IFT88: variants seen among roughly 807,000 people sequenced by gnomAD.
IFT88 encodes the protein intraflagellar transport protein 88 homolog.
IFT88 carries 74 observed loss-of-function variants against 119.5 expected under a neutral mutation model. The observed-to-expected ratio is 0.62, with a 90% confidence interval of 0.51 to 0.75. The LOEUF (loss-of-function observed/expected upper bound fraction) is 0.75, where lower values mean the gene tolerates loss of function less well. Among genes scored for constraint, IFT88 ranks in the 30% least tolerant of loss-of-function variants. The pLI, the probability that IFT88 is intolerant of heterozygous loss-of-function variation, is 0.00. For synonymous variants in IFT88, 279 were observed against 316.7 expected (o/e 0.88, Z 1.26); for missense variants, 961 against 977.7 (o/e 0.98, Z 0.23).
intron 24 of IFT88, among the ~76,000 whole-genome samples, chr13:20,690,449 G>A (rs1454776998): frequency 6.6e-6 from 1 of 152,080 alleles, no homozygotes; most frequent in East Asian, 1.9e-4. Flanking sequence ...CCATAAAATT[G>A]AAACCTATAA....
intron 13 of IFT88, chr13:20,607,972 C>T (rs554628895): frequency 2.1e-5 from 13 of 607,786 alleles, no homozygotes; most frequent in Middle Eastern, 5.7e-4. Flanking sequence ...GCACCTCCTC[C>T]TGGCACCACA....
rs2053668219 is a variant in IFT88, at chr13:20,660,882, C to T, written c.2069-2616C>T. On this transcript the variant is annotated intron_variant, in intron 22 of 25. Transcript: ENST00000351808. Reference sequence around the variant, plus strand: ...TAGGCACTTAGGGAGAAGTTGGGGGCCATCTTCATATAAATTTATTTCAGT... The same window carrying T: ...TAGGCACTTAGGGAGAAGTTGGGGGTCATCTTCATATAAATTTATTTCAGT... Among the ~76,000 whole-genome samples, 3 of 152,196 alleles carry T rather than the reference C, an allele frequency of 2.0e-5. No individual in the cohort carries two copies. In the South Asian group the frequency reaches 6.2e-4, roughly 32 times the overall value.
At chr13:20,635,377 A>G (rs2048872574) in intron 16 of IFT88, among the ~76,000 whole-genome samples, 1 of 152,202 alleles carries the variant, frequency 6.6e-6, no homozygotes, top group African/African-American at 2.4e-5. Flanking sequence ...AAGACAGGAT[A>G]ACTGTAAGAC....
At chr13:20,625,676 C>T (rs2047177630) in intron 14 of IFT88, 74 bp from the exon 15 acceptor site, 2 of 1,002,642 alleles carry the variant, frequency 2.0e-6, no homozygotes, top group South Asian at 3.0e-5. Context: ...TTTGAAAAGC[C>T]ACATTTAAGA....
chr13:20,611,127 G>T (rs1012106337), intron 13 of IFT88, among the ~76,000 whole-genome samples: 1 of 151,028 alleles, frequency 6.6e-6, no homozygotes, highest in Non-Finnish European at 1.5e-5. Context: ...TAATATATAG[G>T]ATATCAGTGG....
intron 22 of IFT88, among the ~76,000 whole-genome samples, chr13:20,658,992 A>C (rs2053346105): frequency 6.6e-6 from 1 of 152,234 alleles, no homozygotes; most frequent in African/African-American, 2.4e-5. Context: ...AAATGTAATC[A>C]ATAGTCTACC....
At chr13:20,632,526 A>G (rs1387232009) in intron 16 of IFT88, among the ~76,000 whole-genome samples, 2 of 152,202 alleles carry the variant, frequency 1.3e-5, no homozygotes, top group African/African-American at 4.8e-5. Flanking sequence ...GCTCAGAATA[A>G]TGGCGTGGGA....
chr13:20,658,288 G>A (rs2053206599), intron 22 of IFT88, among the ~76,000 whole-genome samples: 1 of 151,688 alleles, frequency 6.6e-6, no homozygotes, highest in Non-Finnish European at 1.5e-5. Context: ...AGAGACGGGG[G>A]CTCTACTAAA....
intron 14 of IFT88, among the ~76,000 whole-genome samples, chr13:20,616,205 A>G (rs1369686228): frequency 1.3e-5 from 2 of 152,214 alleles, no homozygotes; most frequent in Admixed American, 6.5e-5. Context: ...AAATTGTAGC[A>G]TGATGCATTA....
chr13:20,638,123 T>G (rs1454102318), intron 16 of IFT88, among the ~76,000 whole-genome samples: 3 of 151,958 alleles, frequency 2.0e-5, no homozygotes, highest in Non-Finnish European at 4.4e-5. Context: ...CATGAGACTG[T>G]GGAGAAGTCA....
chr13:20,656,298 T>C, intron 21 of IFT88, 67 bp from the exon 22 acceptor site: 1 of 651,614 alleles, frequency 1.5e-6, no homozygotes, highest in Non-Finnish European at 2.5e-6. Context: ...CAGTTAAAAT[T>C]AATATTTTTC....
At chr13:20,656,748 T>G (rs1482155916) in intron 22 of IFT88, among the ~76,000 whole-genome samples, 1 of 152,232 alleles carries the variant, frequency 6.6e-6, no homozygotes, top group African/African-American at 2.4e-5. Context: ...ACCTGTGGTA[T>G]TTTATAGGAA....
At chr13:20,605,365 T>G (rs915105647) in intron 13 of IFT88, among the ~76,000 whole-genome samples, 2 of 152,214 alleles carry the variant, frequency 1.3e-5, no homozygotes, top group Non-Finnish European at 2.9e-5. Flanking sequence ...TAATCTCAAT[T>G]ACTCAATCTC....
At chr13:20,627,405 T>G (rs1009813053) in intron 15 of IFT88, among the ~76,000 whole-genome samples, 1 of 152,160 alleles carries the variant, frequency 6.6e-6, no homozygotes, top group Non-Finnish European at 1.5e-5. Context: ...TAGTTTTCCT[T>G]TGACATTTTA....
chr13:20,630,503 C>T (rs963787774), intron 15 of IFT88, among the ~76,000 whole-genome samples: 3 of 152,132 alleles, frequency 2.0e-5, no homozygotes, highest in African/African-American at 7.2e-5. Context: ...CACTGCCCAC[C>T]CCATTATGCA....
At chr13:20,573,108 G>T (rs529125703) in intron 1 of IFT88, among the ~76,000 whole-genome samples, 1 of 152,220 alleles carries the variant, frequency 6.6e-6, no homozygotes, top group Admixed American at 6.5e-5. Flanking sequence ...AGAGAGGCGT[G>T]GGAGTGAAAC....
intron 20 of IFT88, among the ~76,000 whole-genome samples, chr13:20,648,869 T>C (rs1440474083): frequency 1.3e-5 from 2 of 151,436 alleles, no homozygotes; most frequent in African/African-American, 2.4e-5. Flanking sequence ...CAGAAGAGAG[T>C]TGGGAGGCTT....
At chr13:20,613,831 A>G (rs756936631) in intron 13 of IFT88, among the ~76,000 whole-genome samples, 2 of 152,108 alleles carry the variant, frequency 1.3e-5, no homozygotes, top group Non-Finnish European at 2.9e-5. Flanking sequence ...TTGCTTTTGC[A>G]CCAACCAATA....
At chr13:20,633,368 A>T (rs1001380013) in intron 16 of IFT88, among the ~76,000 whole-genome samples, 1 of 152,100 alleles carries the variant, frequency 6.6e-6, no homozygotes, top group Non-Finnish European at 1.5e-5. Context: ...CCAGCCAGCC[A>T]TTGGATGTGG....
Sources: allele counts gnomAD v4.1 joint callset (sites outside exome capture counted in the v4.1 genomes callset), GRCh38; gene constraint gnomAD v4.1.1; transcripts MANE v1.5; gene names NCBI Gene and HGNC (gene_info 2026-07-23, HGNC 2026-07-21).